Variants in CMTM2 observed in about 807,000 individuals in gnomAD.
CMTM2 encodes the protein CKLF-like MARVEL transmembrane domain-containing protein 2.
CMTM2 carries 15 observed loss-of-function variants against 16.8 expected under a neutral mutation model. That is an observed-to-expected ratio of 0.89 (90% CI 0.60 to 1.37). The LOEUF (loss-of-function observed/expected upper bound fraction) is 1.37, where lower values mean the gene tolerates loss of function less well. Among genes scored for constraint, CMTM2 ranks in the 40% most tolerant of loss-of-function variants. The pLI is 0.00. For synonymous variants in CMTM2, 117 were observed against 118.7 expected (o/e 0.99, Z 0.09); for missense variants, 282 against 318.0 (o/e 0.89, Z 0.86).
In CMTM2 at chr16:66,580,079, C is replaced by T; in HGVS notation, c.339C>T (p.Ile113=). 1 of 1,614,224 alleles carries T rather than the reference C, an allele frequency of 6.2e-7. No individual in the cohort carries two copies. The highest frequency in any genetic ancestry group is 8.5e-7 in the Non-Finnish European group (1 of 1,180,032). Residue 113 remains isoleucine, a synonymous_variant, in exon 2 of 4, where the codon ATC becomes ATT. Coordinates refer to ENST00000268595, the MANE Select transcript of CMTM2 (RefSeq NM_144673.3). ...ILLSSLTVHP[I]LRLIITMEIS... ...TGTCCTCACTCACCGTGCACCCCAT[C>T]TTGAGGCTTATCATCACCATGGAGA...
In CMTM2 at chr16:66,579,821, C is replaced by CG; in HGVS notation, c.216dup (p.Trp73ValfsTer8). The CG allele has an allele frequency of 6.2e-7, 1 of 1,613,646 alleles. No homozygotes were observed. Among genetic ancestry groups the CG allele is most frequent in the Non-Finnish European group, 8.5e-7 (1 of 1,179,884 alleles). ...CACGAGGAGGGGGTGTCGCCGCTAC[C>CG]GGTGGGAATTAAAAGACAGCAATAA... On this transcript the variant is annotated frameshift_variant, in exon 1 of 4. Transcript: ENST00000268595. LOFTEE classifies it high-confidence loss of function. The surrounding 1 kb of genome is among the most constrained non-coding windows in gnomAD (Gnocchi z 6.5).
rs969645960 is a variant in CMTM2 at position 66,579,521 on chromosome 16, G to A, written c.-87G>A. On this transcript the variant is annotated 5_prime_UTR_variant, in exon 1 of 4. Transcript: ENST00000268595. This position sits in a 1 kb window ranked among gnomAD's most constrained non-coding sequence, Gnocchi z 6.5. ...CTCTGAGCCGCTCGGTGGACACCAG[G>A]CACTCTAGTAGGCCTGGCCTACCCA... 4 of 1,528,442 alleles carry A rather than the reference G, an allele frequency of 2.6e-6. No individual in the cohort carries two copies. In the African/African-American group the frequency reaches 4.1e-5, roughly 16 times the overall value. 94.7% of individuals were successfully genotyped at this position (1,528,442 alleles called of 1,614,324 possible).
rs144028312 is a variant in CMTM2, at chr16:66,587,771, A to G, written c.547-148A>G. 1,029 of 767,426 alleles carry G rather than the reference A, an allele frequency of 1.3e-3. 3 individuals carry two copies. The African/African-American group carries it at 0.016, about 12-fold the overall frequency. The allele number at this position is 767,426 out of a possible 1,614,324, so 47.5% of individuals were successfully genotyped here. On this transcript the variant is annotated intron_variant, in intron 3 of 3. Coordinates refer to ENST00000268595, the MANE Select transcript of CMTM2 (RefSeq NM_144673.3). ...GAAGGCAAAGGCTGAGGGAGTAGGC[A>G]CGCTCCTAGCCTCTCAGAGATGGTT...
At chr16:66,586,466 C>T (rs951059287) in intron 2 of CMTM2, among the ~76,000 whole-genome samples, 6 of 151,872 alleles carry the variant, frequency 4.0e-5, no homozygotes, top group Admixed American at 1.3e-4. Flanking sequence ...GGTGAAACCC[C>T]GTCTCTACTA....
Position 66,587,996 on chromosome 16 carries a change from C to G in CMTM2, c.624C>G (p.Ala208=). 1 of 1,614,064 alleles carries G rather than the reference C, an allele frequency of 6.2e-7. No homozygotes were observed. ...GAAACCACTTCAGAGGCAAGAAGGC[C>G]AAAAAGCATATGCTGGTTCCTCCTC... ...LQRNHFRGKK[A]KKHMLVPPPG... The change falls in exon 4 of 4, where the codon GCC becomes GCG. Residue 208 remains alanine (A), a synonymous_variant. Coordinates refer to ENST00000268595, the MANE Select transcript of CMTM2 (RefSeq NM_144673.3).
At chr16:66,586,169 G>A (rs1201910855) in intron 2 of CMTM2, among the ~76,000 whole-genome samples, 1 of 152,148 alleles carries the variant, frequency 6.6e-6, no homozygotes, top group Non-Finnish European at 1.5e-5. Context: ...AGGAAGTCAG[G>A]CCGAGGGCAG....
At chr16:66,581,158 G>T (rs1224261396) in intron 2 of CMTM2, among the ~76,000 whole-genome samples, 1 of 151,846 alleles carries the variant, frequency 6.6e-6, no homozygotes, top group Non-Finnish European at 1.5e-5. Context: ...AGGGTCCAGG[G>T]ATCCAGAGGT....
Position 66,579,811 on chromosome 16 carries a change from T to C in CMTM2, c.204T>C (p.Cys68=). ...PKHEVGTRRG[C]RRYRWELKDS... ...ACGAAGTGGGCACGAGGAGGGGGTG[T>C]CGCCGCTACCGGTGGGAATTAAAAG... The change falls in exon 1 of 4, where the codon TGT becomes TGC. Residue 68 remains cysteine (C), a synonymous_variant. Coordinates refer to ENST00000268595, the MANE Select transcript of CMTM2 (RefSeq NM_144673.3). The surrounding 1 kb of genome is among the most constrained non-coding windows in gnomAD (Gnocchi z 6.5). 6.2e-7 allele frequency: 1 copy of C among 1,613,494 alleles called. No individual in the cohort carries two copies. Among genetic ancestry groups the C allele is most frequent in the Non-Finnish European group, 8.5e-7 (1 of 1,179,940 alleles).
At position 66,579,918 on chromosome 16, in the gene CMTM2, G is replaced by T. The variant is rs2014693328; in HGVS notation, c.285+26G>T. ...GTGAGCTAAACTGGTATCCCTGGGT[G>T]GGGGGCCTTGGCCGAGGGTGGGGGG... On this transcript the variant is annotated intron_variant, in intron 1 of 3. Transcript: ENST00000268595. This position sits in a 1 kb window ranked among gnomAD's most constrained non-coding sequence, Gnocchi z 6.5. The T allele has an allele frequency of 6.2e-7, 1 of 1,610,820 alleles. No individual in the cohort carries two copies.
At chr16:66,585,511 G>T (rs554848667) in intron 2 of CMTM2, among the ~76,000 whole-genome samples, 61 of 152,272 alleles carry the variant, frequency 4.0e-4, no homozygotes, top group African/African-American at 1.4e-3. Flanking sequence ...AGTGTATTTT[G>T]AAATACACAA....
intron 2 of CMTM2, among the ~76,000 whole-genome samples, chr16:66,582,097 G>A (rs2014742034): frequency 6.6e-6 from 1 of 152,116 alleles, no homozygotes; most frequent in Non-Finnish European, 1.5e-5. Flanking sequence ...TTAGAATCCT[G>A]AGAATATGAG....
chr16:66,586,151 A>G (rs1483661697), intron 2 of CMTM2, among the ~76,000 whole-genome samples: 1 of 152,072 alleles, frequency 6.6e-6, no homozygotes, highest in Non-Finnish European at 1.5e-5. Context: ...AAAGAGGGGA[A>G]GGGGTCTAGG....
chr16:66,583,735 A>G (rs1055054416), intron 2 of CMTM2, among the ~76,000 whole-genome samples: 2 of 152,120 alleles, frequency 1.3e-5, no homozygotes, highest in African/African-American at 4.8e-5. Context: ...TCAACCTAAC[A>G]TGGGTTTTTC....
intron 3 of CMTM2, 81 bp from the exon 4 acceptor site, chr16:66,587,838 C>G: frequency 1.4e-6 from 2 of 1,420,090 alleles, no homozygotes; most frequent in Non-Finnish European, 2.0e-6. Context: ...ACAGCACCCC[C>G]TGATGAATGA....
At chr16:66,581,856 C>G (rs1010290457) in intron 2 of CMTM2, among the ~76,000 whole-genome samples, 3 of 152,178 alleles carry the variant, frequency 2.0e-5, no homozygotes, top group Non-Finnish European at 4.4e-5. Context: ...AGCCCAGAAA[C>G]CTTCATCCCT....
In CMTM2 at chr16:66,580,198, G is replaced by A; in HGVS notation, c.444+14G>A. ...TGGCCCATTTCTGTAAGTAAGGGGT[G>A]ATGGGGAGTGCCTGCATCCAGAATG... On this transcript the variant is annotated intron_variant, in intron 2 of 3. Coordinates refer to ENST00000268595, the MANE Select transcript of CMTM2 (RefSeq NM_144673.3). 6.2e-7 allele frequency: 1 copy of A among 1,613,866 alleles called. No individual in the cohort carries two copies. Among genetic ancestry groups the A allele is most frequent in the Non-Finnish European group, 8.5e-7 (1 of 1,179,798 alleles).
intron 2 of CMTM2, among the ~76,000 whole-genome samples, chr16:66,585,109 G>C (rs575573808): frequency 6.6e-5 from 10 of 152,074 alleles, no homozygotes; most frequent in African/African-American, 9.7e-5. Context: ...CCCACGCCCA[G>C]CTAATTTTGT....
In CMTM2 at chr16:66,579,662, C is replaced by G. The variant is rs1423548527; in HGVS notation, c.55C>G (p.Pro19Ala). Reference sequence around the variant, plus strand: ...GCCAGAGCCAGCACCAGCTCCACCTCCACCCGGGGCCAAACCCGAGGAAGA... The same window carrying G: ...GCCAGAGCCAGCACCAGCTCCACCTGCACCCGGGGCCAAACCCGAGGAAGA... ...AKPEPAPAPPPPGAKPEEDKK... is the reference protein window; with the variant it reads ...AKPEPAPAPPAPGAKPEEDKK... The change falls in exon 1 of 4, where the codon CCA (proline) becomes GCA (alanine). Residue 19 changes from proline to alanine, a missense_variant. Coordinates refer to ENST00000268595, the MANE Select transcript of CMTM2 (RefSeq NM_144673.3). The surrounding 1 kb of genome is among the most constrained non-coding windows in gnomAD (Gnocchi z 6.5). 6.2e-7 allele frequency: 1 copy of G among 1,613,778 alleles called. No individual in the cohort carries two copies. The highest frequency in any genetic ancestry group is 8.5e-7 in the Non-Finnish European group (1 of 1,179,980).
In CMTM2 at chr16:66,579,785, C is replaced by A. The variant is rs914269289; in HGVS notation, c.178C>A (p.His60Asn). ...ACCTCAAAAGGCGGTGCAGCCCAAGCACGAAGTGGGCACGAGGAGGGGGTG... is the reference window on the plus strand; with the variant it reads ...ACCTCAAAAGGCGGTGCAGCCCAAGAACGAAGTGGGCACGAGGAGGGGGTG... ...DKPQKAVQPKHEVGTRRGCRR... is the reference protein window; with the variant it reads ...DKPQKAVQPKNEVGTRRGCRR... Residue 60 changes from histidine (H) to asparagine (N), a missense_variant, in exon 1 of 4, where the codon CAC becomes AAC. Physicochemically the swap from His to Asn is moderately conservative, Grantham distance 68. Coordinates refer to ENST00000268595, the MANE Select transcript of CMTM2 (RefSeq NM_144673.3). The surrounding 1 kb of genome is among the most constrained non-coding windows in gnomAD (Gnocchi z 6.5). 4 of 1,613,714 alleles carry A rather than the reference C, an allele frequency of 2.5e-6. No individual in the cohort carries two copies. In the African/African-American group the frequency reaches 5.4e-5, roughly 22 times the overall value.
Sources: gnomAD v4.1 joint callset for allele counts (sites outside exome capture counted in the v4.1 genomes callset) on GRCh38, gnomAD v4.1.1 for gene constraint, Gnocchi (gnomAD v3.1) non-coding constraint, MANE v1.5 for transcripts, NCBI Gene and HGNC (gene_info 2026-07-23, HGNC 2026-07-21) for gene names.